The following CADM2 variants were observed in gnomAD, a reference collection of about 807,000 sequenced individuals.
CADM2 encodes the protein cell adhesion molecule 2.
In CADM2, 12 loss-of-function variants were observed where a neutral mutation model predicts 49.8. The ratio of observed to expected loss-of-function variants is 0.24; its 90% CI spans 0.15 to 0.39. The LOEUF is 0.39. Among genes scored for constraint, CADM2 ranks in the 10% least tolerant of loss-of-function variants. CADM2 has a pLI of 1.00. For missense variants in CADM2, 378 were observed against 492.3 expected (o/e 0.77, Z 2.20); for synonymous variants, 214 against 175.4 (o/e 1.22, Z -1.74).
intron 1 of CADM2, among the ~76,000 whole-genome samples, chr3:85,393,274 CATA>C (rs1315533882): frequency 6.6e-6 from 1 of 152,034 alleles, no homozygotes; most frequent in Admixed American, 6.6e-5. Flanking sequence ...ATTTGGCGCA[CATA>C]ATGATGTCCA....
chr3:85,020,753 TGTGTGTGTGTATG>T (rs2034464376), intron 1 of CADM2, among the ~76,000 whole-genome samples: 1 of 151,592 alleles, frequency 6.6e-6, no homozygotes. Context: ...ACGGTGTGTG[TGTGTGTGTGTATG>T]GTGTGTGTGT....
chr3:85,088,657 T>C (rs2037476138), intron 1 of CADM2, among the ~76,000 whole-genome samples: 1 of 152,060 alleles, frequency 6.6e-6, no homozygotes, highest in East Asian at 1.9e-4. Context: ...AGTTTTGAAA[T>C]TATAGCTAAG....
At position 85,618,855 on chromosome 3, in the gene CADM2, A is replaced by G. The variant is rs1328193960; in HGVS notation, c.62-107667A>G. 5.9e-5 allele frequency among the ~76,000 whole-genome samples: 9 copies of G among 152,190 alleles called. No individual in the cohort carries two copies. In the East Asian group the frequency reaches 1.5e-3, roughly 26 times the overall value. ...TGCTTACTTATTGCCAATATTTGCAAAATAATAATCCAGGAATTTAAATAA... is the reference window on the plus strand; with the variant it reads ...TGCTTACTTATTGCCAATATTTGCAGAATAATAATCCAGGAATTTAAATAA... On this transcript the variant is annotated intron_variant, in intron 1 of 9. Transcript: ENST00000383699.
At chr3:85,809,696 CTTCCTTCCTTCCTTCCTTCCTTCG>C (rs2072698796) in intron 3 of CADM2, among the ~76,000 whole-genome samples, 11 of 123,672 alleles carry the variant, frequency 8.9e-5, no homozygotes, top group African/African-American at 3.3e-4. Context: ...TCCTTCCTTC[CTTCCTTCCTTCCTTCCTTCCTTCG>C]TTCCTTCCCT....
chr3:85,990,151 A>AT (rs953105439), intron 8 of CADM2, among the ~76,000 whole-genome samples: 20 of 151,090 alleles, frequency 1.3e-4, no homozygotes, highest in African/African-American at 4.6e-4. Context: ...TTCATTTAAG[A>AT]TTTTTTTGCC....
chr3:85,265,013 C>A (rs143000181), intron 1 of CADM2, among the ~76,000 whole-genome samples: 1 of 151,660 alleles, frequency 6.6e-6, no homozygotes, highest in Non-Finnish European at 1.5e-5. Flanking sequence ...TTCATCAGCA[C>A]GAATTAGATA....
Position 85,774,678 on chromosome 3 carries a change from T to C in CADM2, c.89-27369T>C, listed in dbSNP as rs545084164. ...ATTGTGGTTTTCTTTAAAACTTCAA[T>C]TTTAATCTTTATTTTACTGAAAGAT... is the stretch of plus-strand genomic sequence containing the variant. On this transcript the variant is annotated intron_variant, in intron 2 of 9. Transcript: ENST00000383699. 3.3e-5 allele frequency among the ~76,000 whole-genome samples: 5 copies of C among 151,872 alleles called. No homozygotes were observed. The East Asian group carries it at 9.7e-4, about 29-fold the overall frequency.
rs927512892 is a variant in CADM2 at position 85,601,601 on chromosome 3, T to C, written c.62-124921T>C. 5.3e-5 allele frequency among the ~76,000 whole-genome samples: 8 copies of C among 151,566 alleles called. No homozygotes were observed. The Admixed American group carries it at 5.3e-4, about 10-fold the overall frequency. Reference sequence around the variant, plus strand: ...GTATAGAACAAAATCTTTACTCAGCTTTTTCTTTTTTAGGCTAATTTACAC... The same window carrying C: ...GTATAGAACAAAATCTTTACTCAGCCTTTTCTTTTTTAGGCTAATTTACAC... On this transcript the variant is annotated intron_variant, in intron 1 of 9. Coordinates refer to ENST00000383699, the MANE Select transcript of CADM2 (RefSeq NM_001167675.2).
At chr3:85,328,902 A>AC in intron 1 of CADM2, among the ~76,000 whole-genome samples, 1 of 141,330 alleles carries the variant, frequency 7.1e-6, no homozygotes, top group East Asian at 2.0e-4. Flanking sequence ...TCTTCCCTCA[A>AC]AAAAAAAAAA....
intron 1 of CADM2, among the ~76,000 whole-genome samples, chr3:85,371,619 C>CTGTGTGTG (rs71108284): frequency 0.039 from 4,798 of 124,564 alleles, 170 homozygotes; most frequent in Non-Finnish European, 0.053. Flanking sequence ...CCACACATCA[C>CTGTGTGTG]TGTGTGTGTG....
At chr3:85,777,964 G>A (rs1489591604) in intron 2 of CADM2, among the ~76,000 whole-genome samples, 2 of 152,244 alleles carry the variant, frequency 1.3e-5, no homozygotes, top group East Asian at 1.9e-4. Flanking sequence ...ATACGTAGGT[G>A]TTATATTGTC....
chr3:85,780,205 T>G (rs976093496), intron 2 of CADM2, among the ~76,000 whole-genome samples: 1 of 152,176 alleles, frequency 6.6e-6, no homozygotes, highest in Admixed American at 6.5e-5. Flanking sequence ...GTGTGACTAG[T>G]AGGCCGACAT....
intron 1 of CADM2, among the ~76,000 whole-genome samples, chr3:85,381,081 T>A (rs1197846717): frequency 6.6e-6 from 1 of 152,012 alleles, no homozygotes; most frequent in Non-Finnish European, 1.5e-5. Context: ...CTTATACCCA[T>A]GTATTTTATC....
chr3:85,635,439 G>T (rs1340907478), intron 1 of CADM2, among the ~76,000 whole-genome samples: 1 of 152,062 alleles, frequency 6.6e-6, no homozygotes, highest in African/African-American at 2.4e-5. Flanking sequence ...GAAGTACAGT[G>T]ATTTTTAAAG....
intron 1 of CADM2, among the ~76,000 whole-genome samples, chr3:85,087,172 A>C (rs1345422575): frequency 2.6e-5 from 4 of 152,192 alleles, no homozygotes; most frequent in African/African-American, 4.8e-5. Context: ...TGATCCTTGC[A>C]TGCATGAATC....
intron 2 of CADM2, among the ~76,000 whole-genome samples, chr3:85,727,524 A>G (rs2067751956): frequency 6.6e-6 from 1 of 152,162 alleles, no homozygotes; most frequent in Non-Finnish European, 1.5e-5. Context: ...AAATCAGCCA[A>G]TCCTTGCCAC....
chr3:85,131,117 A>G (rs1575940629), intron 1 of CADM2, among the ~76,000 whole-genome samples: 1 of 152,092 alleles, frequency 6.6e-6, no homozygotes, highest in East Asian at 1.9e-4. Context: ...AGGTAGAGGT[A>G]GCAGCGAGCC....
At chr3:85,550,266 G>T (rs2061769090) in intron 1 of CADM2, among the ~76,000 whole-genome samples, 1 of 152,160 alleles carries the variant, frequency 6.6e-6, no homozygotes, top group Admixed American at 6.6e-5. Flanking sequence ...TAAATTCAAG[G>T]ACAGTAAGCC....
chr3:85,263,273 A>G (rs914448386), intron 1 of CADM2, among the ~76,000 whole-genome samples: 2 of 152,086 alleles, frequency 1.3e-5, no homozygotes, highest in Non-Finnish European at 2.9e-5. Context: ...AATTACAGAC[A>G]TAAGCCACCG....
Sources: allele counts gnomAD v4.1 joint callset (sites outside exome capture counted in the v4.1 genomes callset), GRCh38; gene constraint gnomAD v4.1.1; transcripts MANE v1.5; gene names NCBI Gene and HGNC (gene_info 2026-07-23, HGNC 2026-07-21).